Variants in PACRG observed in about 807,000 individuals in gnomAD.
PACRG encodes the protein parkin coregulated gene protein.
PACRG carries 29 observed loss-of-function variants against 29.7 expected under a neutral mutation model. The observed-to-expected ratio is 0.98, with a 90% CI of 0.73 to 1.33. The LOEUF (loss-of-function observed/expected upper bound fraction) is 1.33, where lower values mean the gene tolerates loss of function less well. Ranked by LOEUF, PACRG falls within the 40% of genes most tolerant of loss-of-function variation. The probability of loss-of-function intolerance (pLI) is 0.00; values close to 1 mark genes in which losing one functional copy is unlikely to be tolerated. For missense variants in PACRG, 279 were observed against 316.2 expected (o/e 0.88, Z 0.89); for synonymous variants, 116 against 118.7 (o/e 0.98, Z 0.15).
At chr6:163,178,949 G>C (rs868739160) in intron 4 of PACRG, among the ~76,000 whole-genome samples, 43 of 152,188 alleles carry the variant, frequency 2.8e-4, no homozygotes, top group Middle Eastern at 3.4e-3. Flanking sequence ...TTCCTATTCG[G>C]GTTGATAGAG....
chr6:163,305,762 A>G (rs888913499), intron 4 of PACRG, among the ~76,000 whole-genome samples: 1 of 152,158 alleles, frequency 6.6e-6, no homozygotes, highest in African/African-American at 2.4e-5. Context: ...GTAATAGTCT[A>G]TGTCATAAAA....
intron 2 of PACRG, among the ~76,000 whole-genome samples, chr6:163,022,718 A>G (rs1806750221): frequency 6.6e-6 from 1 of 152,218 alleles, no homozygotes; most frequent in Admixed American, 6.5e-5. Context: ...TCCTCACAGT[A>G]TTCAACATTT....
chr6:163,300,626 A>C (rs369854931), intron 4 of PACRG, among the ~76,000 whole-genome samples: 7 of 152,346 alleles, frequency 4.6e-5, no homozygotes, highest in Non-Finnish European at 7.4e-5. Flanking sequence ...ATCTGACATA[A>C]ATTGGAATTA....
At chr6:162,816,820 G>T (rs1041982850) in intron 2 of PACRG, among the ~76,000 whole-genome samples, 1 of 152,102 alleles carries the variant, frequency 6.6e-6, no homozygotes, top group African/African-American at 2.4e-5. Context: ...GAAGCAGGGC[G>T]ATCCGTCCCC....
intron 4 of PACRG, among the ~76,000 whole-genome samples, chr6:163,214,147 G>A (rs534822459): frequency 2.5e-4 from 38 of 152,238 alleles, no homozygotes; most frequent in Non-Finnish European, 4.3e-4. Context: ...TGTTTACTCT[G>A]TCCAGTATAG....
chr6:163,157,231 A>G (rs1778363056), intron 4 of PACRG, among the ~76,000 whole-genome samples: 1 of 152,102 alleles, frequency 6.6e-6, no homozygotes, highest in African/African-American at 2.4e-5. Context: ...CATTCAAGAA[A>G]CCACTGGCAT....
intron 2 of PACRG, among the ~76,000 whole-genome samples, chr6:162,968,414 T>C (rs1801231596): frequency 6.6e-6 from 1 of 152,214 alleles, no homozygotes; most frequent in South Asian, 2.1e-4. Context: ...CTCACTGAAA[T>C]ATTGTGAGAG....
chr6:162,828,002 T>C (rs913637713), intron 2 of PACRG, among the ~76,000 whole-genome samples: 1 of 152,114 alleles, frequency 6.6e-6, no homozygotes, highest in Non-Finnish European at 1.5e-5. Flanking sequence ...TGGAGCAGGG[T>C]TATTTAACTT....
chr6:163,226,654 G>C (rs561672503), intron 4 of PACRG, among the ~76,000 whole-genome samples: 41 of 152,254 alleles, frequency 2.7e-4, no homozygotes, highest in Admixed American at 2.6e-3. Context: ...CTGGAGGAAG[G>C]GGTAACCTTG....
intron 4 of PACRG, among the ~76,000 whole-genome samples, chr6:163,126,376 C>T (rs935950049): frequency 1.3e-5 from 2 of 152,158 alleles, no homozygotes; most frequent in African/African-American, 4.8e-5. Flanking sequence ...ATACATTAAT[C>T]CCCCTAGATG....
intron 2 of PACRG, among the ~76,000 whole-genome samples, chr6:162,856,474 G>A (rs1385544241): frequency 6.6e-6 from 1 of 152,186 alleles, no homozygotes; most frequent in Non-Finnish European, 1.5e-5. Context: ...TCAACATGAT[G>A]AAGGTCCAAG....
At chr6:163,013,634 C>A (rs968198163) in intron 2 of PACRG, among the ~76,000 whole-genome samples, 1 of 152,098 alleles carries the variant, frequency 6.6e-6, no homozygotes, top group South Asian at 2.1e-4. Context: ...ATGTTAGACT[C>A]TGAAAGAAAC....
chr6:163,185,426 A>C (rs1779872012), intron 4 of PACRG, among the ~76,000 whole-genome samples: 1 of 152,222 alleles, frequency 6.6e-6, no homozygotes, highest in South Asian at 2.1e-4. Context: ...CAGGGTTGTC[A>C]TAGGAAATCT....
intron 3 of PACRG, among the ~76,000 whole-genome samples, chr6:163,084,600 C>T (rs74751361): frequency 0.015 from 2,332 of 152,156 alleles, 48 homozygotes; most frequent in African/African-American, 0.054. Context: ...GATGCCATTA[C>T]GCGTTACAGT....
At chr6:163,146,054 T>A (rs1205664) in intron 4 of PACRG, among the ~76,000 whole-genome samples, 48,511 of 152,128 alleles carry the variant, frequency 0.32, 8,109 homozygotes, top group East Asian at 0.55. Context: ...CTTCTTCTAC[T>A]GTTCTCTTCT....
At chr6:162,790,455 C>T (rs1390027622) in intron 1 of PACRG, among the ~76,000 whole-genome samples, 1 of 151,946 alleles carries the variant, frequency 6.6e-6, no homozygotes, top group Admixed American at 6.6e-5. Context: ...TTCTGTAGTC[C>T]AATTTTAAAT....
At chr6:163,127,263 G>A (rs769610408) in intron 4 of PACRG, among the ~76,000 whole-genome samples, 1 of 152,222 alleles carries the variant, frequency 6.6e-6, no homozygotes, top group African/African-American at 2.4e-5. Context: ...TTTCAGACAA[G>A]TATTGTTTCA....
Position 162,727,995 on chromosome 6 carries a change from C to T in PACRG, c.-241C>T. Reference sequence around the variant, plus strand: ...AGTCGCTTAGCAACCGGGAGGCTTACCTTTGGAAGCTTGTTGCAGCTCTAG... The same window carrying T: ...AGTCGCTTAGCAACCGGGAGGCTTATCTTTGGAAGCTTGTTGCAGCTCTAG... On this transcript the variant is annotated 5_prime_UTR_variant, in exon 1 of 5. Transcript: ENST00000366888. The T allele has an allele frequency of 1.6e-6, 1 of 622,204 alleles. No homozygotes were observed. The allele number at this position is 622,204 out of a possible 1,614,324, so 38.5% of individuals were successfully genotyped here.
intron 1 of PACRG, among the ~76,000 whole-genome samples, chr6:162,753,180 T>C (rs1300793842): frequency 6.6e-6 from 1 of 152,076 alleles, no homozygotes; most frequent in Admixed American, 6.6e-5. Flanking sequence ...TGCTGTGCAG[T>C]AGATCTCAAA....
Sources: allele counts gnomAD v4.1 joint callset (sites outside exome capture counted in the v4.1 genomes callset), GRCh38; gene constraint gnomAD v4.1.1; transcripts MANE v1.5; gene names NCBI Gene and HGNC (gene_info 2026-07-23, HGNC 2026-07-21).